Variants in MEI4 observed in about 807,000 individuals in gnomAD.
The protein encoded by MEI4 is meiotic double-stranded break formation protein 4, also known as meiosis-specific protein MEI4.
Under a neutral mutation model 31.4 loss-of-function variants are expected in MEI4, and 27 were observed. The ratio of observed to expected loss-of-function variants is 0.86; its 90% CI spans 0.63 to 1.19. The LOEUF (loss-of-function observed/expected upper bound fraction) is 1.19, where lower values mean the gene tolerates loss of function less well. Among genes scored for constraint, MEI4 ranks in the 50% most tolerant of loss-of-function variants. The pLI is 0.00. For missense variants in MEI4, 329 were observed against 398.9 expected, an observed-to-expected ratio of 0.82 and a Z score of 1.49; for synonymous variants, 122 against 145.4, an observed-to-expected ratio of 0.84 and a Z score of 1.16.
At chr6:77,857,284 T>G (rs1770767799) in intron 4 of MEI4, among the ~76,000 whole-genome samples, 1 of 152,194 alleles carries the variant, frequency 6.6e-6, no homozygotes, top group African/African-American at 2.4e-5. Flanking sequence ...ATGGATCTAA[T>G]TTAATTTTGT....
At chr6:77,883,059 C>T (rs142801893) in intron 4 of MEI4, among the ~76,000 whole-genome samples, 23 of 151,820 alleles carry the variant, frequency 1.5e-4, no homozygotes, top group African/African-American at 5.6e-4. Flanking sequence ...GTACAAGTAT[C>T]GGTTAAGTAA....
Position 77,733,096 on chromosome 6 carries a change from G to C in MEI4, c.233-28034G>C, listed in dbSNP as rs537441980. On this transcript the variant is annotated intron_variant, in intron 2 of 4. Transcript: ENST00000684080. ...TATTGATCTAAAATTCTCTTTTTTGGTTGTGTCTCTGCCAGGCTTTGGTAT... is the reference window on the plus strand; with the variant it reads ...TATTGATCTAAAATTCTCTTTTTTGCTTGTGTCTCTGCCAGGCTTTGGTAT... Among the ~76,000 whole-genome samples, 8 of 151,784 alleles carry C rather than the reference G, an allele frequency of 5.3e-5. No individual in the cohort carries two copies. The East Asian group carries it at 1.5e-3, about 29-fold the overall frequency.
At position 77,793,666 on chromosome 6, in the gene MEI4, T is replaced by C. The variant is rs182485689; in HGVS notation, c.768+32001T>C. Among the ~76,000 whole-genome samples the C allele has an allele frequency of 1.2e-4, 18 of 151,920 alleles. 1 individual carries two copies. The East Asian group carries it at 3.5e-3, about 30-fold the overall frequency. On this transcript the variant is annotated intron_variant, in intron 3 of 4. Transcript: ENST00000684080. ...TTGGTGGAAGAGAGGAAAGAAGAGG[T>C]TAGAGGAGAAGTCAGTGTAATTTTT...
At chr6:77,733,709 A>G (rs1350527462) in intron 2 of MEI4, among the ~76,000 whole-genome samples, 1 of 151,584 alleles carries the variant, frequency 6.6e-6, no homozygotes, top group Non-Finnish European at 1.5e-5. Context: ...AGTTCTTTTA[A>G]TTGTGATGTT....
intron 3 of MEI4, among the ~76,000 whole-genome samples, chr6:77,826,441 A>G (rs947128468): frequency 6.6e-6 from 1 of 152,160 alleles, no homozygotes; most frequent in African/African-American, 2.4e-5. Context: ...CATGATATCT[A>G]AAGGACAGAA....
intron 2 of MEI4, among the ~76,000 whole-genome samples, chr6:77,695,855 A>T (rs1194612580): frequency 6.6e-6 from 1 of 152,226 alleles, no homozygotes; most frequent in East Asian, 1.9e-4. Context: ...TACCTTGGGC[A>T]GTATGGCCAT....
intron 2 of MEI4, among the ~76,000 whole-genome samples, chr6:77,736,727 G>A (rs553028470): frequency 5.9e-4 from 90 of 152,136 alleles, no homozygotes; most frequent in Non-Finnish European, 1.0e-3. Flanking sequence ...TTTAAGCCCT[G>A]CCCATAGCAT....
intron 2 of MEI4, among the ~76,000 whole-genome samples, chr6:77,756,738 A>G (rs951356306): frequency 6.7e-6 from 1 of 148,418 alleles, no homozygotes; most frequent in Non-Finnish European, 1.5e-5. Flanking sequence ...TAGGCTATCT[A>G]TGTAATTGTT....
chr6:77,863,514 G>A (rs1014823160), intron 4 of MEI4, among the ~76,000 whole-genome samples: 10 of 152,098 alleles, frequency 6.6e-5, no homozygotes, highest in Non-Finnish European at 1.3e-4. Flanking sequence ...GAAATGAAGC[G>A]AGAAGAAAAG....
At chr6:77,864,312 C>T (rs952022370) in intron 4 of MEI4, among the ~76,000 whole-genome samples, 1 of 152,134 alleles carries the variant, frequency 6.6e-6, no homozygotes, top group Non-Finnish European at 1.5e-5. Flanking sequence ...CAAGACCCAT[C>T]AGTGTGCTGT....
intron 4 of MEI4, among the ~76,000 whole-genome samples, chr6:77,865,758 C>A (rs1771009382): frequency 6.6e-6 from 1 of 152,120 alleles, no homozygotes; most frequent in South Asian, 2.1e-4. Flanking sequence ...ATACCAAAGC[C>A]TGGCAGAGAC....
intron 4 of MEI4, among the ~76,000 whole-genome samples, chr6:77,870,063 G>A (rs980043589): frequency 2.0e-5 from 3 of 152,088 alleles, no homozygotes; most frequent in Admixed American, 6.6e-5. Context: ...CTAAAGAGAG[G>A]AAAGGGGGCA....
At chr6:77,767,345 A>G (rs1768201131) in intron 3 of MEI4, among the ~76,000 whole-genome samples, 1 of 151,816 alleles carries the variant, frequency 6.6e-6, no homozygotes, top group Non-Finnish European at 1.5e-5. Flanking sequence ...GCACCACTGC[A>G]CTCCAGCCTG....
intron 4 of MEI4, among the ~76,000 whole-genome samples, chr6:77,835,921 T>C (rs1219071121): frequency 6.6e-6 from 1 of 152,100 alleles, no homozygotes; most frequent in Non-Finnish European, 1.5e-5. Context: ...GAAGGAGAGC[T>C]ACCCAAATAT....
chr6:77,922,101 G>A (rs1365478226), intron 4 of MEI4, among the ~76,000 whole-genome samples: 1 of 151,438 alleles, frequency 6.6e-6, no homozygotes, highest in African/African-American at 2.4e-5. Context: ...CTAAAATGAG[G>A]TATGCCTGTA....
At chr6:77,663,052 A>G (rs1379678299) in intron 1 of MEI4, among the ~76,000 whole-genome samples, 32 of 150,388 alleles carry the variant, frequency 2.1e-4, no homozygotes, top group South Asian at 1.1e-3. Flanking sequence ...TCTAGAACAG[A>G]ATAATGGGTT....
At chr6:77,838,989 A>G (rs1219476844) in intron 4 of MEI4, among the ~76,000 whole-genome samples, 2 of 152,258 alleles carry the variant, frequency 1.3e-5, no homozygotes, top group East Asian at 3.9e-4. Context: ...TGAAGGCAAA[A>G]AAAACTGCGG....
At chr6:77,736,761 T>G (rs1767249163) in intron 2 of MEI4, among the ~76,000 whole-genome samples, 1 of 152,016 alleles carries the variant, frequency 6.6e-6, no homozygotes, top group African/African-American at 2.4e-5. Flanking sequence ...GAGGGTAAGA[T>G]TACATCATTA....
At chr6:77,734,658 G>A (rs1395223360) in intron 2 of MEI4, among the ~76,000 whole-genome samples, 1 of 151,922 alleles carries the variant, frequency 6.6e-6, no homozygotes, top group Non-Finnish European at 1.5e-5. Context: ...ATATTATTAT[G>A]TGTGAATTTG....
Sources: gnomAD v4.1 joint callset for allele counts (sites outside exome capture counted in the v4.1 genomes callset) on GRCh38, gnomAD v4.1.1 for gene constraint, MANE v1.5 for transcripts, NCBI Gene and HGNC (gene_info 2026-07-23, HGNC 2026-07-21) for gene names.